Variants in NFATC1 observed in about 807,000 individuals in gnomAD.
NFATC1 encodes the protein nuclear factor of activated T-cells, cytoplasmic 1.
NFATC1 carries 22 observed loss-of-function variants against 76.0 expected under a neutral mutation model. The observed-to-expected ratio is 0.29, with a 90% confidence interval of 0.21 to 0.41. The LOEUF (loss-of-function observed/expected upper bound fraction) is 0.41. NFATC1 is among the 10% of genes least tolerant of loss of function. The probability of loss-of-function intolerance (pLI) is 1.00; values close to 1 mark genes in which losing one functional copy is unlikely to be tolerated. For missense variants in NFATC1, 1,357 were observed against 1,337.7 expected, an observed-to-expected ratio of 1.01 and a Z score of -0.23; for synonymous variants, 704 against 613.1, an observed-to-expected ratio of 1.15 and a Z score of -2.19.
At chr18:79,445,066 G>A (rs1259857618) in intron 3 of NFATC1, among the ~76,000 whole-genome samples, 1 of 152,250 alleles carries the variant, frequency 6.6e-6, no homozygotes, top group East Asian at 1.9e-4. Context: ...TCCTCCACCC[G>A]TTTCGGGTTT....
intron 1 of NFATC1, among the ~76,000 whole-genome samples, chr18:79,398,215 C>G (rs988721894): frequency 6.6e-6 from 1 of 152,236 alleles, no homozygotes; most frequent in Non-Finnish European, 1.5e-5. Context: ...CAGAGAAGTA[C>G]AGGCCTGTAA....
intron 8 of NFATC1, among the ~76,000 whole-genome samples, chr18:79,472,855 A>G (rs868821527): frequency 6.6e-6 from 1 of 152,140 alleles, no homozygotes; most frequent in African/African-American, 2.4e-5. Flanking sequence ...GAGACTTTCC[A>G]TGTGTCGGCT....
intron 9 of NFATC1, among the ~76,000 whole-genome samples, chr18:79,505,876 A>G (rs1305418838): frequency 6.9e-6 from 1 of 144,876 alleles, no homozygotes; most frequent in African/African-American, 2.6e-5. Flanking sequence ...GTGGTGCTGG[A>G]GGCCCTTGGA....
chr18:79,433,798 T>A, intron 3 of NFATC1, 60 bp downstream of exon 3: 1 of 1,569,658 alleles, frequency 6.4e-7, no homozygotes. Flanking sequence ...AAAGTAACTT[T>A]GGAGCCACAG....
At chr18:79,415,376 G>T (rs1375449110) in intron 2 of NFATC1, among the ~76,000 whole-genome samples, 1 of 152,108 alleles carries the variant, frequency 6.6e-6, no homozygotes, top group African/African-American at 2.4e-5. Context: ...TTTGCCTCCT[G>T]GGTTCACGCC....
At chr18:79,408,476 G>A (rs1227305559) in intron 1 of NFATC1, among the ~76,000 whole-genome samples, 1 of 152,216 alleles carries the variant, frequency 6.6e-6, no homozygotes, top group African/African-American at 2.4e-5. Flanking sequence ...TTTATTGAGT[G>A]TAATTAACAC....
In NFATC1 at chr18:79,467,335, G is replaced by GCGGGGTTGCTGTGTGGCCGCCGTGGAAA. The variant is rs1568997693; in HGVS notation, c.1960-106_1960-105insTGTGTGGCCGCCGTGGAAACGGGGTTGC. 2.4e-5 allele frequency: 24 copies of GCGGGGTTGCTGTGTGGCCGCCGTGGAAA among 1,019,168 alleles called. 1 individual carries two copies. In the African/African-American group the frequency reaches 4.7e-4, roughly 20 times the overall value. The allele number at this position is 1,019,168 out of a possible 1,614,324, so 63.1% of individuals were successfully genotyped here. A position where few individuals can be genotyped will look rare whatever the true frequency, so the allele number is the denominator to read the frequency against. On this transcript the variant is annotated intron_variant, in intron 7 of 9. Transcript: ENST00000427363. The stretch of plus-strand genomic sequence containing the variant: ...GTTGCCGTGTGGCCGCCGTGGAAAC[G>GCGGGGTTGCTGTGTGGCCGCCGTGGAAA]CGGGGTTGCCGTGTGGCCGCCGTGG...
At position 79,396,259 on chromosome 18, in the gene NFATC1, T is replaced by G. The variant is rs1327804397; in HGVS notation, c.35T>G (p.Phe12Cys). Residue 12 changes from phenylalanine (F) to cysteine (C), a missense_variant, in exon 1 of 10, where the codon TTT (phenylalanine) becomes TGT (cysteine). Transcript: ENST00000427363. ...PSTSFPVPSK[F>C]PLGPAAAVFG... ...ACCAGCTTTCCAGTCCCTTCCAAGT[T>G]TCCACTTGGCCCTGCGGCTGCGGTC... 2.0e-6 allele frequency: 3 copies of G among 1,491,422 alleles called. No homozygotes were observed. Among genetic ancestry groups the G allele is most frequent in the Non-Finnish European group, 2.7e-6 (3 of 1,113,026 alleles). 92.4% of individuals were successfully genotyped at this position (1,491,422 alleles called of 1,614,324 possible).
intron 3 of NFATC1, among the ~76,000 whole-genome samples, chr18:79,442,720 C>T (rs2087031304): frequency 2.0e-5 from 3 of 152,204 alleles, no homozygotes; most frequent in African/African-American, 7.2e-5. Context: ...AGCTTCTGCT[C>T]CGGCGGGCCA....
chr18:79,464,300 G>T lies in NFATC1; in HGVS notation c.1959+2934G>T, dbSNP rs190122261. ...AGTAGAGACGGGATTTCACCATGTTGTCCAGGCTGGTCTTGAACTCCTGAC... is the reference window on the plus strand; with the variant it reads ...AGTAGAGACGGGATTTCACCATGTTTTCCAGGCTGGTCTTGAACTCCTGAC... On this transcript the variant is annotated intron_variant, in intron 7 of 9. Coordinates refer to ENST00000427363, the MANE Select transcript of NFATC1 (RefSeq NM_001278669.2). Among the ~76,000 whole-genome samples, 847 of 152,108 alleles carry T rather than the reference G, an allele frequency of 5.6e-3. 10 individuals carry two copies. Among genetic ancestry groups the T allele is most frequent in the Middle Eastern group, 0.031 (9 of 294 alleles).
At chr18:79,507,933 C>T (rs1334162904) in intron 9 of NFATC1, among the ~76,000 whole-genome samples, 8 of 152,238 alleles carry the variant, frequency 5.3e-5, no homozygotes, top group South Asian at 2.1e-4. Flanking sequence ...TCCCCGCAGC[C>T]GCAGTCGCCG....
chr18:79,441,840 C>G (rs1284619644), intron 3 of NFATC1, among the ~76,000 whole-genome samples: 2 of 152,040 alleles, frequency 1.3e-5, no homozygotes, highest in Admixed American at 6.5e-5. Flanking sequence ...GATTCTCTCT[C>G]CATAGAAGGT....
intron 9 of NFATC1, among the ~76,000 whole-genome samples, chr18:79,519,464 C>G (rs944981478): frequency 6.6e-6 from 1 of 152,188 alleles, no homozygotes; most frequent in Non-Finnish European, 1.5e-5. Flanking sequence ...TCCCAAGTAG[C>G]TGGGACCACA....
At chr18:79,407,724 C>T (rs140468324) in intron 1 of NFATC1, among the ~76,000 whole-genome samples, 204 of 152,308 alleles carry the variant, frequency 1.3e-3, no homozygotes, top group African/African-American at 4.5e-3. Context: ...GGATTATAGG[C>T]GTGAGCCACC....
chr18:79,517,302 T>G (rs1462609500), intron 9 of NFATC1, among the ~76,000 whole-genome samples: 1 of 152,260 alleles, frequency 6.6e-6, no homozygotes, highest in African/African-American at 2.4e-5. Context: ...CTCTTAGTTA[T>G]AGGAATGGAG....
chr18:79,418,654 G>C (rs1180439590), intron 2 of NFATC1, among the ~76,000 whole-genome samples: 1 of 152,234 alleles, frequency 6.6e-6, no homozygotes, highest in African/African-American at 2.4e-5. Flanking sequence ...TCAGAGTTGA[G>C]AAGATCATGC....
chr18:79,518,673 G>T (rs759146504), intron 9 of NFATC1, among the ~76,000 whole-genome samples: 1 of 152,242 alleles, frequency 6.6e-6, no homozygotes, highest in African/African-American at 2.4e-5. Context: ...TCCTGCCCCC[G>T]CTACTCACCG....
chr18:79,508,398 G>T (rs141202299), intron 9 of NFATC1, among the ~76,000 whole-genome samples: 1 of 152,194 alleles, frequency 6.6e-6, no homozygotes, highest in Admixed American at 6.5e-5. Flanking sequence ...GGTTGGGTGA[G>T]GGGGCGCATG....
chr18:79,497,825 A>G (rs2089928353), intron 9 of NFATC1: 1 of 151,354 alleles, frequency 6.6e-6, no homozygotes, highest in Admixed American at 6.6e-5. Context: ...TCAAGGATTT[A>G]AGGAAACTTC....
Sources: allele counts gnomAD v4.1 joint callset (sites outside exome capture counted in the v4.1 genomes callset), GRCh38; gene constraint gnomAD v4.1.1; transcripts MANE v1.5; gene names NCBI Gene and HGNC (gene_info 2026-07-23, HGNC 2026-07-21).